The following SCD variants were observed in gnomAD, a reference collection of about 807,000 sequenced individuals.
The protein encoded by SCD is stearoyl-CoA desaturase.
In SCD, 4 loss-of-function variants were observed where a neutral mutation model predicts 35.7. The observed-to-expected ratio is 0.11, with a 90% CI of 0.06 to 0.26. The LOEUF is 0.26. SCD is among the 10% of genes least tolerant of loss of function. SCD has a pLI of 1.00. For synonymous variants in SCD, 150 were observed against 170.2 expected (o/e 0.88, Z 0.92); for missense variants, 282 against 460.7 (o/e 0.61, Z 3.55).
Position 100,347,399 on chromosome 10 carries a change from C to T in SCD, c.-106C>T. On this transcript the variant is annotated 5_prime_UTR_variant, in exon 1 of 6. Coordinates refer to ENST00000370355, the MANE Select transcript of SCD (RefSeq NM_005063.5). ...CCAGCTAGCGTGCAAGGCGCCGCGG[C>T]TCAGCGCGTACCGGCGGGCTTCGAA... The T allele has an allele frequency of 4.7e-6, 6 of 1,286,326 alleles. No homozygotes were observed. The South Asian group carries it at 6.1e-5, about 13-fold the overall frequency. The allele number at this position is 1,286,326 out of a possible 1,614,324, so 79.7% of individuals were successfully genotyped here.
At chr10:100,354,354 T>A (rs1849905531) in intron 3 of SCD, 73 bp from the exon 4 acceptor site, 1 of 1,359,186 alleles carries the variant, frequency 7.4e-7, no homozygotes, top group East Asian at 2.3e-5. Flanking sequence ...GGGCTCTTGA[T>A]ACCTGTCCAT....
chr10:100,349,560 A>C (rs1849849619), intron 2 of SCD, among the ~76,000 whole-genome samples: 1 of 152,230 alleles, frequency 6.6e-6, no homozygotes, highest in Admixed American at 6.5e-5. Flanking sequence ...TTTTGTTTCC[A>C]GAAATCCTCC....
At chr10:100,360,680 A>G (rs1334642454) in intron 5 of SCD, 54 bp from the exon 6 acceptor site, 1 of 1,534,386 alleles carries the variant, frequency 6.5e-7, no homozygotes, top group Non-Finnish European at 9.0e-7. Context: ...GGTGTGCACA[A>G]ATCAAGAAAA....
At chr10:100,350,029 T>C (rs1263140996) in intron 2 of SCD, among the ~76,000 whole-genome samples, 2 of 152,112 alleles carry the variant, frequency 1.3e-5, no homozygotes, top group African/African-American at 4.8e-5. Flanking sequence ...CAGTTGCTAC[T>C]GCAAGGAGCA....
chr10:100,348,420 A>C, intron 2 of SCD, 74 bp downstream of exon 2: 1 of 1,430,302 alleles, frequency 7.0e-7, no homozygotes, highest in East Asian at 2.3e-5. Flanking sequence ...AGGATCTTAC[A>C]GAGGACACCA....
rs1196844534 is a variant in SCD at position 100,356,526 on chromosome 10, A to AT, written c.648-5dup. ...CATTGACCTGGTGTCTGGTCTGTCA[A>AT]TGTAGGTACTACAAACCTGGCTTGC... is the stretch of plus-strand genomic sequence containing the variant. On this transcript the variant is annotated splice_polypyrimidine_tract_variant and splice_region_variant and intron_variant, in intron 4 of 5. Coordinates refer to ENST00000370355, the MANE Select transcript of SCD (RefSeq NM_005063.5). The surrounding 1 kb of genome is among the most constrained non-coding windows in gnomAD (Gnocchi z 4.1). The AT allele has an allele frequency of 8.7e-6, 14 of 1,611,580 alleles. No individual in the cohort carries two copies. The highest frequency in any genetic ancestry group is 1.2e-5 in the Non-Finnish European group (14 of 1,177,792).
chr10:100,363,286 G>A lies in SCD; in HGVS notation c.*2353G>A, dbSNP rs560792. On this transcript the variant is annotated 3_prime_UTR_variant, in exon 6 of 6. Transcript: ENST00000370355. ...CTGTCCCTGTAGCTCAGTCATCAAA[G>A]CAGAAGTCTGGCTTTGCTCTATTAA... 6.6e-6 allele frequency: 1 copy of A among 152,278 alleles called. No individual in the cohort carries two copies. The highest frequency in any genetic ancestry group is 1.5e-5 in the Non-Finnish European group (1 of 68,114). 9.4% of individuals were successfully genotyped at this position (152,278 alleles called of 1,614,324 possible).
intron 3 of SCD, 113 bp from the exon 4 acceptor site, chr10:100,354,314 G>A (rs1468481099): frequency 1.1e-6 from 1 of 879,438 alleles, no homozygotes; most frequent in African/African-American, 1.7e-5. Context: ...CAGATTCCTG[G>A]GTATTTTGTG....
At chr10:100,359,633 AC>A (rs1019187988) in intron 5 of SCD, among the ~76,000 whole-genome samples, 4 of 152,024 alleles carry the variant, frequency 2.6e-5, no homozygotes, top group African/African-American at 9.7e-5. Context: ...GAGAGGACAT[AC>A]CTTGAAATGC....
At chr10:100,353,159 A>G (rs952142877) in intron 3 of SCD, among the ~76,000 whole-genome samples, 4 of 152,216 alleles carry the variant, frequency 2.6e-5, no homozygotes, top group African/African-American at 9.7e-5. Context: ...CAAAAATCTT[A>G]GGAAATAGGT....
rs935599700 is a variant in SCD, at chr10:100,364,684, G to A, written c.*3751G>A. 1.3e-5 allele frequency: 2 copies of A among 152,420 alleles called. No individual in the cohort carries two copies. Among genetic ancestry groups the A allele is most frequent in the African/African-American group, 4.8e-5 (2 of 41,358 alleles). 9.4% of individuals were successfully genotyped at this position (152,420 alleles called of 1,614,324 possible). A position where few individuals can be genotyped will look rare whatever the true frequency, so the allele number is the denominator to read the frequency against. On this transcript the variant is annotated 3_prime_UTR_variant, in exon 6 of 6. Transcript: ENST00000370355. Reference sequence around the variant, plus strand: ...AGGATGCCTTTTCTGTGATTGGGTGGGATTTTTTCCCTTTTTATGTGGGAT... The same window carrying A: ...AGGATGCCTTTTCTGTGATTGGGTGAGATTTTTTCCCTTTTTATGTGGGAT...
At chr10:100,359,266 T>C (rs993784553) in intron 5 of SCD, among the ~76,000 whole-genome samples, 3 of 152,138 alleles carry the variant, frequency 2.0e-5, no homozygotes, top group African/African-American at 7.2e-5. Context: ...CTCCTCCAGC[T>C]CTGTTTCCTG....
At chr10:100,350,894 T>C (rs944303176) in intron 2 of SCD, among the ~76,000 whole-genome samples, 10 of 152,116 alleles carry the variant, frequency 6.6e-5, no homozygotes, top group Non-Finnish European at 1.5e-5. Context: ...TCTGAGGGAA[T>C]GTGGAGAGAG....
At chr10:100,355,558 G>A (rs1402833805) in intron 4 of SCD, among the ~76,000 whole-genome samples, 1 of 152,208 alleles carries the variant, frequency 6.6e-6, no homozygotes. Context: ...GAACTGCAAT[G>A]TGGCATAGTT....
intron 5 of SCD, among the ~76,000 whole-genome samples, chr10:100,359,789 C>T (rs1450283777): frequency 6.6e-6 from 1 of 152,178 alleles, no homozygotes; most frequent in Non-Finnish European, 1.5e-5. Flanking sequence ...TGATTAGGGT[C>T]AGTATTATTT....
At chr10:100,350,149 G>A (rs956339908) in intron 2 of SCD, among the ~76,000 whole-genome samples, 1 of 152,078 alleles carries the variant, frequency 6.6e-6, no homozygotes, top group East Asian at 1.9e-4. Flanking sequence ...AGACTAGATG[G>A]TAACTTATTT....
intron 2 of SCD, among the ~76,000 whole-genome samples, chr10:100,349,372 A>G (rs944576991): frequency 2.0e-5 from 3 of 152,326 alleles, no homozygotes; most frequent in South Asian, 4.1e-4. Context: ...CTGCAGATCC[A>G]GGGGCCCTGC....
At chr10:100,355,989 T>C (rs3793767) in intron 4 of SCD, among the ~76,000 whole-genome samples, 60,028 of 152,022 alleles carry the variant, frequency 0.39, 12,022 homozygotes, top group Admixed American at 0.49. Flanking sequence ...CAAAGGCAGA[T>C]GGGAAAACCA....
In SCD at chr10:100,356,254, G is replaced by A. The variant is rs1589699381; in HGVS notation, c.648-278G>A. ...TAAATGGGCACGATGGTTCATGCCTGTGGTCCCAGCTACTCAGGAGGCTGG... is the reference window on the plus strand; with the variant it reads ...TAAATGGGCACGATGGTTCATGCCTATGGTCCCAGCTACTCAGGAGGCTGG... On this transcript the variant is annotated intron_variant, in intron 4 of 5. Transcript: ENST00000370355. This position sits in a 1 kb window ranked among gnomAD's most constrained non-coding sequence, Gnocchi z 4.1. Among the ~76,000 whole-genome samples the A allele has an allele frequency of 1.3e-5, 2 of 152,234 alleles. No homozygotes were observed. Among genetic ancestry groups the A allele is most frequent in the African/African-American group, 4.8e-5 (2 of 41,540 alleles).
Sources: allele counts gnomAD v4.1 joint callset (sites outside exome capture counted in the v4.1 genomes callset), GRCh38; gene constraint gnomAD v4.1.1; non-coding constraint Gnocchi (gnomAD v3.1); transcripts MANE v1.5; gene names NCBI Gene and HGNC (gene_info 2026-07-23, HGNC 2026-07-21).